KIRREL3: variants seen among roughly 807,000 people sequenced by gnomAD.
KIRREL3 encodes the protein kin of IRRE-like protein 3.
In KIRREL3, 36 loss-of-function variants were observed where a neutral mutation model predicts 89.7. The observed-to-expected ratio is 0.40, with a 90% CI of 0.31 to 0.53. The LOEUF is 0.53. KIRREL3 is among the 20% of genes least tolerant of loss of function. The probability of loss-of-function intolerance (pLI) is 0.49; values close to 1 mark genes in which losing one functional copy is unlikely to be tolerated. For missense variants in KIRREL3, 864 were observed against 1,056.6 expected, an observed-to-expected ratio of 0.82 and a Z score of 2.53; for synonymous variants, 445 against 441.4, an observed-to-expected ratio of 1.01 and a Z score of -0.10.
chr11:126,585,157 G>A (rs1024785501), intron 1 of KIRREL3, among the ~76,000 whole-genome samples: 21 of 149,726 alleles, frequency 1.4e-4, no homozygotes, highest in Admixed American at 6.7e-5. Flanking sequence ...CTGACCTCGC[G>A]ATCCGTCAGC....
intron 5 of KIRREL3, 133 bp downstream of exon 5, chr11:126,473,176 T>A: frequency 2.4e-5 from 3 of 124,752 alleles, no homozygotes; most frequent in African/African-American, 1.1e-4. Flanking sequence ...AGTCCCCTCC[T>A]AATCCAGCCC....
intron 1 of KIRREL3, among the ~76,000 whole-genome samples, chr11:126,604,873 T>C (rs1236713351): frequency 2.0e-5 from 3 of 152,224 alleles, no homozygotes; most frequent in African/African-American, 7.2e-5. Flanking sequence ...CACAGCAGAA[T>C]TATTTAACCC....
intron 11 of KIRREL3, among the ~76,000 whole-genome samples, chr11:126,438,558 G>A (rs1565450257): frequency 6.6e-6 from 1 of 152,212 alleles, no homozygotes; most frequent in Non-Finnish European, 1.5e-5. Context: ...AATGTCCCCT[G>A]GGGCCAGTGA....
chr11:126,541,104 C>A lies in KIRREL3; in HGVS notation c.134-14417G>T, dbSNP rs553677004. On this transcript the variant is annotated intron_variant, in intron 2 of 16. Transcript: ENST00000525144. The surrounding 1 kb of genome is among the most constrained non-coding windows in gnomAD (Gnocchi z 4.8). ...ATCAACCCCTCTCAGAGGGCGTCAGCGTGGGCACCACCAGGAGAGGCTGGA... is the reference window on the plus strand; with the variant it reads ...ATCAACCCCTCTCAGAGGGCGTCAGAGTGGGCACCACCAGGAGAGGCTGGA... Among the ~76,000 whole-genome samples, 2 of 152,176 alleles carry A rather than the reference C, an allele frequency of 1.3e-5. No homozygotes were observed. The highest frequency in any genetic ancestry group is 2.9e-5 in the Non-Finnish European group (2 of 68,030).
At position 126,474,663 on chromosome 11, in the gene KIRREL3, A is replaced by T. The variant is rs10893518; in HGVS notation, c.434-1197T>A. On this transcript the variant is annotated intron_variant, in intron 4 of 16. Transcript: ENST00000525144. This position sits in a 1 kb window ranked among gnomAD's most constrained non-coding sequence, Gnocchi z 6.7. ...AGAGACGGGTGGCTCCCATCAAGGG[A>T]TCCTGAGTGCCAGGAAGAGGGCCAT... 0.064 allele frequency among the ~76,000 whole-genome samples: 9,759 copies of T among 152,166 alleles called. 512 individuals are homozygous for T. The highest frequency in any genetic ancestry group is 0.26 in the East Asian group (1,319 of 5,148).
Position 126,764,948 on chromosome 11 carries a change from G to A in KIRREL3, c.56-202036C>T, listed in dbSNP as rs1202013424. ...CAGCTCTGGTTTTTCAAGTGCAAGG[G>A]TTATTTGCTATATTTTGGAAACTTT... On this transcript the variant is annotated intron_variant, in intron 1 of 16. Coordinates refer to ENST00000525144, the MANE Select transcript of KIRREL3 (RefSeq NM_032531.4). The surrounding 1 kb of genome is among the most constrained non-coding windows in gnomAD (Gnocchi z 4.2). 1.3e-5 allele frequency among the ~76,000 whole-genome samples: 2 copies of A among 152,122 alleles called. No homozygotes were observed. Among genetic ancestry groups the A allele is most frequent in the Non-Finnish European group, 2.9e-5 (2 of 68,026 alleles).
Position 126,640,191 on chromosome 11 carries a change from G to T in KIRREL3, c.56-77279C>A, listed in dbSNP as rs887763086. On this transcript the variant is annotated intron_variant, in intron 1 of 16. Coordinates refer to ENST00000525144, the MANE Select transcript of KIRREL3 (RefSeq NM_032531.4). The surrounding 1 kb of genome is among the most constrained non-coding windows in gnomAD (Gnocchi z 4.9). ...TGTCTATCTCACTCACCCTTCAGCT[G>T]GTGAGTGGTCCCCGAGAGCTTCTGT... 1.3e-5 allele frequency among the ~76,000 whole-genome samples: 2 copies of T among 152,094 alleles called. No homozygotes were observed. Among genetic ancestry groups the T allele is most frequent in the African/African-American group, 4.8e-5 (2 of 41,420 alleles).
intron 7 of KIRREL3, among the ~76,000 whole-genome samples, chr11:126,450,248 T>G (rs11220498): frequency 0.06 from 7,923 of 132,328 alleles, 436 homozygotes; most frequent in East Asian, 0.27. Flanking sequence ...TGAATATGCA[T>G]GTGTGAGTGT....
At chr11:126,499,955 A>G (rs1480166004) in intron 4 of KIRREL3, among the ~76,000 whole-genome samples, 1 of 152,220 alleles carries the variant, frequency 6.6e-6, no homozygotes, top group Non-Finnish European at 1.5e-5. Context: ...CTATTTCTGC[A>G]TCTTCCCATT....
intron 1 of KIRREL3, among the ~76,000 whole-genome samples, chr11:126,832,068 T>G (rs547724535): frequency 1.3e-5 from 2 of 152,222 alleles, no homozygotes; most frequent in Non-Finnish European, 2.9e-5. Flanking sequence ...TATTTCCTTA[T>G]CAAGTATTTC....
At position 126,666,067 on chromosome 11, in the gene KIRREL3, G is replaced by A. The variant is rs1003090850; in HGVS notation, c.56-103155C>T. 1.3e-5 allele frequency among the ~76,000 whole-genome samples: 2 copies of A among 152,236 alleles called. No homozygotes were observed. Among genetic ancestry groups the A allele is most frequent in the African/African-American group, 2.4e-5 (1 of 41,550 alleles). On this transcript the variant is annotated intron_variant, in intron 1 of 16. Transcript: ENST00000525144. This position sits in a 1 kb window ranked among gnomAD's most constrained non-coding sequence, Gnocchi z 4.2. The stretch of plus-strand genomic sequence containing the variant: ...CCTTTTTATTTTGAAGGCGCTCCTC[G>A]GAGATTCTGATTTGCATCCATGGTT...
At chr11:126,663,366 T>C (rs973437507) in intron 1 of KIRREL3, among the ~76,000 whole-genome samples, 1 of 151,896 alleles carries the variant, frequency 6.6e-6, no homozygotes, top group Admixed American at 6.6e-5. Flanking sequence ...TTTGTATTTT[T>C]AGTAGAGACG....
Position 126,897,383 on chromosome 11 carries a change from G to A in KIRREL3, c.55+103072C>T, listed in dbSNP as rs1178502622. Among the ~76,000 whole-genome samples the A allele has an allele frequency of 1.3e-5, 2 of 152,098 alleles. No individual in the cohort carries two copies. The highest frequency in any genetic ancestry group is 2.4e-5 in the African/African-American group (1 of 41,406). ...TATTTAACTTTATAGAAAATGGAAA[G>A]CCTTCCCCAAGCGTTCTCTTATTTT... On this transcript the variant is annotated intron_variant, in intron 1 of 16. Coordinates refer to ENST00000525144, the MANE Select transcript of KIRREL3 (RefSeq NM_032531.4). This position sits in a 1 kb window ranked among gnomAD's most constrained non-coding sequence, Gnocchi z 4.2.
chr11:126,499,273 T>C (rs7127176), intron 4 of KIRREL3, among the ~76,000 whole-genome samples: 132,901 of 152,156 alleles, frequency 0.87, 58,078 homozygotes, highest in East Asian at 0.96. Context: ...GAAAATCCAT[T>C]GGGTGACTCT....
intron 1 of KIRREL3, among the ~76,000 whole-genome samples, chr11:126,964,375 C>A (rs556213104): frequency 6.6e-6 from 1 of 152,146 alleles, no homozygotes; most frequent in African/African-American, 2.4e-5. Flanking sequence ...CCCCCTTCTC[C>A]CCCATAGATA....
chr11:126,555,895 C>A lies in KIRREL3; in HGVS notation c.133+6940G>T, dbSNP rs1939672720. On this transcript the variant is annotated intron_variant, in intron 2 of 16. Transcript: ENST00000525144. The surrounding 1 kb of genome is among the most constrained non-coding windows in gnomAD (Gnocchi z 4.2). ...AGTTGGGATTACAGGTGTGTGCCAC[C>A]ACGCCTGGCTAATTTTTTGTGTTTT... Among the ~76,000 whole-genome samples, 1 of 152,104 alleles carries A rather than the reference C, an allele frequency of 6.6e-6. No homozygotes were observed. The highest frequency in any genetic ancestry group is 1.5e-5 in the Non-Finnish European group (1 of 68,008).
chr11:126,999,309 C>T lies in KIRREL3; in HGVS notation c.55+1146G>A, dbSNP rs187637082. Among the ~76,000 whole-genome samples, 423 of 152,254 alleles carry T rather than the reference C, an allele frequency of 2.8e-3. 5 individuals carry two copies. The highest frequency in any genetic ancestry group is 7.8e-4 in the Non-Finnish European group (53 of 68,026). On this transcript the variant is annotated intron_variant, in intron 1 of 16. Transcript: ENST00000525144. This position sits in a 1 kb window ranked among gnomAD's most constrained non-coding sequence, Gnocchi z 5.7. ...AGAAAGTCTGCAGTGACCACAAGCA[C>T]GGGTGGAAGAGCAGAAGAAGGAAGC... is the stretch of plus-strand genomic sequence containing the variant.
chr11:126,987,385 A>G lies in KIRREL3; in HGVS notation c.55+13070T>C, dbSNP rs1443821618. 6.6e-6 allele frequency among the ~76,000 whole-genome samples: 1 copy of G among 152,224 alleles called. No homozygotes were observed. The highest frequency in any genetic ancestry group is 2.4e-5 in the African/African-American group (1 of 41,460). On this transcript the variant is annotated intron_variant, in intron 1 of 16. Transcript: ENST00000525144. This position sits in a 1 kb window ranked among gnomAD's most constrained non-coding sequence, Gnocchi z 4.6. ...CCTTGGCATGAATACAATGGCATGGATCTTAGAATATCTGTTGATAATAAG... is the reference window on the plus strand; with the variant it reads ...CCTTGGCATGAATACAATGGCATGGGTCTTAGAATATCTGTTGATAATAAG...
intron 1 of KIRREL3, among the ~76,000 whole-genome samples, chr11:126,856,138 C>A (rs1215805796): frequency 6.6e-6 from 1 of 152,150 alleles, no homozygotes; most frequent in African/African-American, 2.4e-5. Context: ...TCTGCAGAGC[C>A]ATATGCACTT....
Sources: gnomAD v4.1 joint callset for allele counts (sites outside exome capture counted in the v4.1 genomes callset) on GRCh38, gnomAD v4.1.1 for gene constraint, Gnocchi (gnomAD v3.1) non-coding constraint, MANE v1.5 for transcripts, NCBI Gene and HGNC (gene_info 2026-07-23, HGNC 2026-07-21) for gene names.